HDAC9: variants seen among roughly 807,000 people sequenced by gnomAD.
The protein encoded by HDAC9 is MEF-2 interacting transcription repressor (MITR) protein.
Under a neutral mutation model 139.4 loss-of-function variants are expected in HDAC9, and 41 were observed. That is an observed-to-expected ratio of 0.29 (90% confidence interval 0.23 to 0.38). The LOEUF is 0.38. Ranked by LOEUF, HDAC9 falls within the 10% of genes least tolerant of loss-of-function variation. The probability of loss-of-function intolerance (pLI) is 1.00; values close to 1 mark genes in which losing one functional copy is unlikely to be tolerated. For synonymous variants in HDAC9, 517 were observed against 476.2 expected (o/e 1.09, Z -1.12); for missense variants, 1,147 against 1,297.0 (o/e 0.88, Z 1.78).
intron 2 of HDAC9, among the ~76,000 whole-genome samples, chr7:18,504,633 T>G (rs1457701255): frequency 6.9e-6 from 1 of 145,692 alleles, no homozygotes; most frequent in Non-Finnish European, 1.5e-5. Context: ...TCAGTGATTG[T>G]AAGCATATTT....
intron 1 of HDAC9, among the ~76,000 whole-genome samples, chr7:18,437,163 T>TAA (rs1791279779): frequency 6.6e-6 from 1 of 152,164 alleles, no homozygotes; most frequent in South Asian, 2.1e-4. Flanking sequence ...AAGTAGCCTT[T>TAA]AAGGTCTGAG....
At chr7:18,232,711 A>C (rs1793545045) in intron 2 of HDAC9, among the ~76,000 whole-genome samples, 1 of 152,222 alleles carries the variant, frequency 6.6e-6, no homozygotes, top group African/African-American at 2.4e-5. Flanking sequence ...ATTGGATTAC[A>C]ATAATGGTTT....
At chr7:18,169,420 C>G (rs1788247656) in intron 2 of HDAC9, among the ~76,000 whole-genome samples, 1 of 151,202 alleles carries the variant, frequency 6.6e-6, no homozygotes, top group Admixed American at 6.6e-5. Context: ...TTTAATTTTG[C>G]CATACTTTTC....
chr7:18,597,571 T>C (rs906243966), intron 6 of HDAC9, among the ~76,000 whole-genome samples: 2 of 152,168 alleles, frequency 1.3e-5, no homozygotes, highest in African/African-American at 2.4e-5. Flanking sequence ...GGTACATGTT[T>C]CTCACAGAGA....
chr7:18,417,619 G>T (rs1159163433), intron 1 of HDAC9, among the ~76,000 whole-genome samples: 3 of 152,098 alleles, frequency 2.0e-5, no homozygotes, highest in African/African-American at 7.2e-5. Flanking sequence ...CTAATGCAGT[G>T]TTTAGTTTTT....
chr7:18,879,459 C>T (rs139713945), intron 22 of HDAC9, among the ~76,000 whole-genome samples: 1,565 of 152,234 alleles, frequency 0.01, 14 homozygotes, highest in South Asian at 0.019. Context: ...GGTACAAAAA[C>T]AGGCACATAG....
chr7:18,857,191 C>T (rs1374812127), intron 21 of HDAC9, among the ~76,000 whole-genome samples: 2 of 151,836 alleles, frequency 1.3e-5, no homozygotes, highest in Non-Finnish European at 2.9e-5. Flanking sequence ...TGAATAATTG[C>T]TTCTCTTTTT....
At chr7:18,785,424 C>G (rs2129173623) in intron 16 of HDAC9, among the ~76,000 whole-genome samples, 1 of 151,982 alleles carries the variant, frequency 6.6e-6, no homozygotes, top group South Asian at 2.1e-4. Context: ...GTCATGACAA[C>G]AAAAAATGTC....
chr7:18,216,993 T>A lies in HDAC9; in HGVS notation c.25+54644T>A, dbSNP rs577798140. Among the ~76,000 whole-genome samples the A allele has an allele frequency of 4.0e-4, 61 of 152,292 alleles. 1 individual carries two copies. The South Asian group carries it at 0.013, about 32-fold the overall frequency. On this transcript the variant is annotated intron_variant, in intron 2 of 12. Transcript: ENST00000417496. Reference sequence around the variant, plus strand: ...ACTTACCATATCAACTAGCAGAATGTAACATTCTAAAACAGATTTTTAAAA... The same window carrying A: ...ACTTACCATATCAACTAGCAGAATGAAACATTCTAAAACAGATTTTTAAAA...
intron 22 of HDAC9, among the ~76,000 whole-genome samples, chr7:18,933,463 C>T (rs955866888): frequency 2.0e-5 from 3 of 152,002 alleles, no homozygotes; most frequent in Non-Finnish European, 4.4e-5. Context: ...CATGAAGACT[C>T]TACATAATTA....
At chr7:18,265,305 A>G (rs1272852665) in intron 2 of HDAC9, among the ~76,000 whole-genome samples, 1 of 152,178 alleles carries the variant, frequency 6.6e-6, no homozygotes, top group East Asian at 1.9e-4. Flanking sequence ...AAAAATCATG[A>G]TATGCACAAA....
intron 2 of HDAC9, 78 bp downstream of exon 2, chr7:18,496,402 C>T: frequency 1.6e-6 from 2 of 1,282,726 alleles, no homozygotes; most frequent in Non-Finnish European, 2.2e-6. Context: ...AGAAAAGCAC[C>T]TCTCTTAAGG....
At chr7:18,407,251 A>C (rs1409493023) in intron 1 of HDAC9, among the ~76,000 whole-genome samples, 1 of 152,212 alleles carries the variant, frequency 6.6e-6, no homozygotes, top group East Asian at 1.9e-4. Context: ...TATATCTAGA[A>C]AAACTCCTGA....
At chr7:18,860,007 T>A (rs978681456) in intron 21 of HDAC9, among the ~76,000 whole-genome samples, 2 of 151,614 alleles carry the variant, frequency 1.3e-5, no homozygotes, top group East Asian at 1.9e-4. Flanking sequence ...TTTGAAACTT[T>A]GCAAAAAGAA....
At chr7:18,731,575 A>C (rs1283057520) in intron 13 of HDAC9, among the ~76,000 whole-genome samples, 1 of 152,210 alleles carries the variant, frequency 6.6e-6, no homozygotes, top group East Asian at 1.9e-4. Context: ...TGCTGTCTTC[A>C]TTCTATTTCC....
chr7:18,095,710 T>A (rs1782461868), intron 1 of HDAC9, among the ~76,000 whole-genome samples: 1 of 152,196 alleles, frequency 6.6e-6, no homozygotes, highest in African/African-American at 2.4e-5. Flanking sequence ...CTTATAGATT[T>A]CATAAATTAT....
intron 1 of HDAC9, among the ~76,000 whole-genome samples, chr7:18,463,581 C>G (rs909023682): frequency 6.6e-6 from 1 of 151,792 alleles, no homozygotes; most frequent in Middle Eastern, 3.4e-3. Context: ...TTTACTGAAC[C>G]TCTTTGTTCT....
chr7:18,272,798 T>C (rs1796437042), intron 2 of HDAC9, among the ~76,000 whole-genome samples: 1 of 151,978 alleles, frequency 6.6e-6, no homozygotes, highest in South Asian at 2.1e-4. Flanking sequence ...TTAAATAGAA[T>C]TTGACAAGCT....
At chr7:18,378,418 A>G (rs932866594) in intron 1 of HDAC9, among the ~76,000 whole-genome samples, 2 of 151,996 alleles carry the variant, frequency 1.3e-5, no homozygotes, top group Non-Finnish European at 2.9e-5. Context: ...AACTACATTT[A>G]TTTTGTTTTA....
Sources: gnomAD v4.1 joint callset for allele counts (sites outside exome capture counted in the v4.1 genomes callset) on GRCh38, gnomAD v4.1.1 for gene constraint, MANE v1.5 for transcripts, NCBI Gene and HGNC (gene_info 2026-07-23, HGNC 2026-07-21) for gene names.